Variants in TDRD3 observed in about 807,000 individuals in gnomAD.
TDRD3 encodes tudor domain containing 3, also known as tudor domain-containing protein 3.
TDRD3 carries 45 observed loss-of-function variants against 86.7 expected under a neutral mutation model. The ratio of observed to expected loss-of-function variants is 0.52; its 90% CI spans 0.41 to 0.67. TDRD3 has a LOEUF of 0.67. Among genes scored for constraint, TDRD3 ranks in the 30% least tolerant of loss-of-function variants. TDRD3 has a pLI of 0.00. For synonymous variants in TDRD3, 298 were observed against 301.7 expected (o/e 0.99, Z 0.13); for missense variants, 814 against 889.0 (o/e 0.92, Z 1.07).
At chr13:60,510,592 G>A (rs751561725) in intron 9 of TDRD3, 38 bp from the exon 10 acceptor site, 3 of 1,519,602 alleles carry the variant, frequency 2.0e-6, no homozygotes, top group East Asian at 2.4e-5. Context: ...TTTTGTTTTT[G>A]CATATACAGT....
chr13:60,498,316 A>G (rs563556618), intron 8 of TDRD3, among the ~76,000 whole-genome samples: 1 of 152,124 alleles, frequency 6.6e-6, no homozygotes, highest in Non-Finnish European at 1.5e-5. Context: ...CTCAACTACA[A>G]AATTTAACTG....
intron 7 of TDRD3, among the ~76,000 whole-genome samples, chr13:60,491,346 A>C (rs1472764893): frequency 6.6e-6 from 1 of 152,164 alleles, no homozygotes; most frequent in African/African-American, 2.4e-5. Context: ...TATAATAGAT[A>C]CATGCACTTG....
At chr13:60,501,845 A>C (rs950669725) in intron 8 of TDRD3, among the ~76,000 whole-genome samples, 2 of 152,206 alleles carry the variant, frequency 1.3e-5, no homozygotes, top group African/African-American at 4.8e-5. Context: ...ACATGTTACC[A>C]AACCCAATAA....
chr13:60,416,326 A>G (rs1265517401), intron 1 of TDRD3, among the ~76,000 whole-genome samples: 1 of 152,168 alleles, frequency 6.6e-6, no homozygotes, highest in African/African-American at 2.4e-5. Flanking sequence ...CAGATTTACA[A>G]AACAGTGATT....
At chr13:60,415,181 T>A (rs1954471455) in intron 1 of TDRD3, among the ~76,000 whole-genome samples, 1 of 152,102 alleles carries the variant, frequency 6.6e-6, no homozygotes, top group Non-Finnish European at 1.5e-5. Flanking sequence ...GAACTAGGCA[T>A]GAAGGGCCTA....
intron 3 of TDRD3, among the ~76,000 whole-genome samples, chr13:60,450,916 C>A (rs1188469248): frequency 1.3e-5 from 2 of 152,002 alleles, no homozygotes; most frequent in Admixed American, 6.6e-5. Flanking sequence ...CCATATCGGG[C>A]GTATTTAAAA....
At chr13:60,399,014 C>T (rs1461905747) in intron 1 of TDRD3, among the ~76,000 whole-genome samples, 3 of 152,188 alleles carry the variant, frequency 2.0e-5, no homozygotes, top group African/African-American at 7.2e-5. Flanking sequence ...CAACATGACC[C>T]CCCCTCCTTT....
At chr13:60,444,121 C>T (rs762043554) in intron 2 of TDRD3, among the ~76,000 whole-genome samples, 34 of 151,916 alleles carry the variant, frequency 2.2e-4, no homozygotes, top group African/African-American at 8.0e-4. Context: ...TTGTTTACCA[C>T]CTTCTATTTC....
At chr13:60,463,947 C>T (rs1448355580) in intron 4 of TDRD3, among the ~76,000 whole-genome samples, 3 of 152,164 alleles carry the variant, frequency 2.0e-5, no homozygotes, top group African/African-American at 7.2e-5. Context: ...AGGGGCAGAG[C>T]CCTCATTAAT....
intron 12 of TDRD3, among the ~76,000 whole-genome samples, chr13:60,544,809 G>A (rs1023495132): frequency 6.6e-6 from 1 of 152,144 alleles, no homozygotes; most frequent in African/African-American, 2.4e-5. Context: ...TTCAAAGTGA[G>A]TTCATGCAAA....
At chr13:60,425,608 T>A (rs1310383944) in intron 1 of TDRD3, among the ~76,000 whole-genome samples, 2 of 152,184 alleles carry the variant, frequency 1.3e-5, no homozygotes, top group Non-Finnish European at 2.9e-5. Context: ...GGAAACAATC[T>A]AATGTCCATC....
At chr13:60,418,340 C>T (rs1007271787) in intron 1 of TDRD3, among the ~76,000 whole-genome samples, 1 of 152,018 alleles carries the variant, frequency 6.6e-6, no homozygotes, top group Non-Finnish European at 1.5e-5. Flanking sequence ...AAGAAGTCTT[C>T]CCTGATAGAA....
rs747490841 is a variant in TDRD3 at position 60,567,589 on chromosome 13, G to A, written c.2183G>A (p.Arg728Gln). The change falls in exon 13 of 14, where the codon CGA becomes CAA. Residue 728 changes from arginine (R) to glutamine (Q), a missense_variant. Transcript: ENST00000377881. ...AGGGGAGGTGATGGCCAGCCAAGAC[G>A]ATCCACTCGGCCAACCCAACAGTTT... ...FRRGGDGQPRRSTRPTQQFYQ... is the reference protein window; with the variant it reads ...FRRGGDGQPRQSTRPTQQFYQ... The A allele has an allele frequency of 3.1e-6, 5 of 1,614,134 alleles. No homozygotes were observed. The highest frequency in any genetic ancestry group is 1.7e-5 in the Admixed American group (1 of 60,010).
intron 12 of TDRD3, among the ~76,000 whole-genome samples, chr13:60,549,280 A>G (rs1019363181): frequency 6.6e-6 from 1 of 152,108 alleles, no homozygotes; most frequent in Non-Finnish European, 1.5e-5. Flanking sequence ...TTCTAGCTGC[A>G]AGAAAAGTTT....
intron 13 of TDRD3, among the ~76,000 whole-genome samples, chr13:60,569,731 C>T (rs1566314620): frequency 6.6e-6 from 1 of 151,912 alleles, no homozygotes; most frequent in African/African-American, 2.4e-5. Flanking sequence ...ACAAACAGAC[C>T]AATGGAACAG....
At chr13:60,401,947 GA>G (rs1202265053) in intron 1 of TDRD3, among the ~76,000 whole-genome samples, 11 of 152,110 alleles carry the variant, frequency 7.2e-5, no homozygotes, top group Non-Finnish European at 1.6e-4. Flanking sequence ...AAAAAAATAA[GA>G]AGCATAATGA....
At chr13:60,477,605 C>G (rs964199415) in intron 5 of TDRD3, among the ~76,000 whole-genome samples, 1 of 151,940 alleles carries the variant, frequency 6.6e-6, no homozygotes, top group Non-Finnish European at 1.5e-5. Context: ...TTATTGAAGG[C>G]CTTTTCTGCA....
chr13:60,472,198 G>C (rs1956088511), intron 5 of TDRD3, among the ~76,000 whole-genome samples: 1 of 152,060 alleles, frequency 6.6e-6, no homozygotes, highest in African/African-American at 2.4e-5. Context: ...AAGCATTCTT[G>C]TATTTTGGGA....
chr13:60,429,498 TGGCA>T (rs1328037906), intron 1 of TDRD3, among the ~76,000 whole-genome samples: 1 of 152,166 alleles, frequency 6.6e-6, no homozygotes, highest in Non-Finnish European at 1.5e-5. Context: ...TTGACATAAA[TGGCA>T]GGTTGAACAA....
Sources: allele counts gnomAD v4.1 joint callset (sites outside exome capture counted in the v4.1 genomes callset), GRCh38; gene constraint gnomAD v4.1.1; transcripts MANE v1.5; gene names NCBI Gene and HGNC (gene_info 2026-07-23, HGNC 2026-07-21).